Variants in HTR1F observed in about 807,000 individuals in gnomAD.
HTR1F encodes 5-hydroxytryptamine (serotonin) receptor 1F, G protein-coupled.
HTR1F carries 17 observed loss-of-function variants against 24.0 expected under a neutral mutation model. The observed-to-expected ratio is 0.71, with a 90% CI of 0.48 to 1.06. HTR1F has a LOEUF of 1.06. HTR1F is among the 50% of genes least tolerant of loss of function. HTR1F has a pLI of 0.00. For missense variants in HTR1F, 391 were observed against 427.8 expected, an observed-to-expected ratio of 0.91 and a Z score of 0.76; for synonymous variants, 186 against 156.8, an observed-to-expected ratio of 1.19 and a Z score of -1.39.
chr3:87,848,145 G>A (rs966922212), intron 2 of HTR1F, among the ~76,000 whole-genome samples: 1 of 151,838 alleles, frequency 6.6e-6, no homozygotes, highest in African/African-American at 2.4e-5. Context: ...CAGTGTATGA[G>A]TTCCCTTTTC....
At chr3:87,910,299 G>C (rs1703750949) in intron 2 of HTR1F, 1 of 151,914 alleles carries the variant, frequency 6.6e-6, no homozygotes, top group Non-Finnish European at 1.5e-5. Context: ...AGACACATAT[G>C]GTTAAGACAT....
chr3:87,991,882 G>A lies in HTR1F; in HGVS notation c.*32G>A, dbSNP rs990219987. On this transcript the variant is annotated 3_prime_UTR_variant, in exon 3 of 3. Coordinates refer to ENST00000319595, the MANE Select transcript of HTR1F (RefSeq NM_001322209.2). ...AAATGTTTATTATTGAAGGATGGGG[G>A]TTTTTGAGGGGAGGAATAACTAGAT... 2.0e-6 allele frequency: 3 copies of A among 1,509,872 alleles called. No homozygotes were observed. The highest frequency in any genetic ancestry group is 1.9e-4 in the Middle Eastern group (1 of 5,310). 93.5% of individuals were successfully genotyped at this position (1,509,872 alleles called of 1,614,324 possible).
rs765774121 is a variant in HTR1F, at chr3:87,991,342, T to C, written c.593T>C (p.Leu198Ser). The change falls in exon 3 of 3, where the codon TTG becomes TCG. Residue 198 changes from leucine (L) to serine (S), a missense_variant. Coordinates refer to ENST00000319595, the MANE Select transcript of HTR1F (RefSeq NM_001322209.2). Reference sequence around the variant, plus strand: ...TTCTACATCCCACTGGCATTGATTTTGATCCTTTACTACAAAATATATAGA... The same window carrying C: ...TTCTACATCCCACTGGCATTGATTTCGATCCTTTACTACAAAATATATAGA... ...GAFYIPLALI[L>S]ILYYKIYRAA... 1 of 1,613,982 alleles carries C rather than the reference T, an allele frequency of 6.2e-7. No homozygotes were observed. Among genetic ancestry groups the C allele is most frequent in the Non-Finnish European group, 8.5e-7 (1 of 1,180,014 alleles).
At chr3:87,872,230 G>A (rs1390340495) in intron 2 of HTR1F, among the ~76,000 whole-genome samples, 1 of 152,060 alleles carries the variant, frequency 6.6e-6, no homozygotes, top group East Asian at 1.9e-4. Context: ...AACTCAACAT[G>A]CCAAAGTTAT....
chr3:87,902,754 C>A (rs1328633383), intron 2 of HTR1F, among the ~76,000 whole-genome samples: 1 of 115,752 alleles, frequency 8.6e-6, no homozygotes, highest in Non-Finnish European at 1.7e-5. Flanking sequence ...CCCCCTCCCC[C>A]CACCCCACAA....
At chr3:87,858,885 A>G (rs1308151765) in intron 2 of HTR1F, among the ~76,000 whole-genome samples, 2 of 152,112 alleles carry the variant, frequency 1.3e-5, no homozygotes, top group African/African-American at 4.8e-5. Flanking sequence ...TCACCAGTGC[A>G]TTTCCTTTGT....
chr3:87,873,156 A>G (rs1030650220), intron 2 of HTR1F, among the ~76,000 whole-genome samples: 1 of 150,666 alleles, frequency 6.6e-6, no homozygotes, highest in Admixed American at 6.6e-5. Flanking sequence ...GAGATTTATT[A>G]TAAGAATTGG....
intron 2 of HTR1F, among the ~76,000 whole-genome samples, chr3:87,854,885 G>A (rs938343887): frequency 1.3e-5 from 2 of 151,894 alleles, no homozygotes; most frequent in African/African-American, 4.8e-5. Flanking sequence ...TTCTAGAAAT[G>A]TTATTGTTTT....
chr3:87,818,086 C>T (rs970797804), intron 1 of HTR1F, among the ~76,000 whole-genome samples: 12 of 152,098 alleles, frequency 7.9e-5, no homozygotes, highest in Non-Finnish European at 1.3e-4. Context: ...GGATTCTGCA[C>T]GTACTATTTG....
rs1475915042 is a variant in HTR1F, at chr3:87,990,678, T to C, written c.-42-30T>C. Reference sequence around the variant, plus strand: ...AGAGAAAAGTTCTTGAAGCCTTCTCTGAACTGTTTTTTCTCTTCCCTTGTT... The same window carrying C: ...AGAGAAAAGTTCTTGAAGCCTTCTCCGAACTGTTTTTTCTCTTCCCTTGTT... On this transcript the variant is annotated intron_variant, in intron 2 of 2. Transcript: ENST00000319595. 3.4e-6 allele frequency: 4 copies of C among 1,172,326 alleles called. No homozygotes were observed. The African/African-American group carries it at 6.1e-5, about 18-fold the overall frequency. The allele number at this position is 1,172,326 out of a possible 1,614,324, so 72.6% of individuals were successfully genotyped here.
In HTR1F at chr3:87,992,264, A is replaced by G. The variant is rs1705855167; in HGVS notation, c.*414A>G. 1 of 167,300 alleles carries G rather than the reference A, an allele frequency of 6.0e-6. No homozygotes were observed. The highest frequency in any genetic ancestry group is 1.5e-5 in the Non-Finnish European group (1 of 68,294). 10.4% of individuals were successfully genotyped at this position (167,300 alleles called of 1,614,324 possible). A position where few individuals can be genotyped will look rare whatever the true frequency, so the allele number is the denominator to read the frequency against. On this transcript the variant is annotated 3_prime_UTR_variant, in exon 3 of 3. Transcript: ENST00000319595. ...TTATAATATAATTCTATTATTTTGT[A>G]TAAGAAAATATAATTCACCACAAAG...
intron 2 of HTR1F, among the ~76,000 whole-genome samples, chr3:87,829,061 A>G (rs1341928194): frequency 6.8e-6 from 1 of 146,946 alleles, no homozygotes; most frequent in East Asian, 2.0e-4. Context: ...AAAAAAAGTT[A>G]AAAAAAAAAG....
intron 1 of HTR1F, among the ~76,000 whole-genome samples, chr3:87,808,321 A>C (rs1704105852): frequency 6.6e-6 from 1 of 151,798 alleles, no homozygotes; most frequent in South Asian, 2.1e-4. Context: ...TCAGATTTTT[A>C]ATTTCTTCCT....
intron 2 of HTR1F, among the ~76,000 whole-genome samples, chr3:87,838,359 A>G (rs934520473): frequency 6.6e-6 from 1 of 152,072 alleles, no homozygotes; most frequent in African/African-American, 2.4e-5. Context: ...ACCCTAATCT[A>G]CCAACTATCC....
intron 2 of HTR1F, among the ~76,000 whole-genome samples, chr3:87,984,821 C>A (rs1705627946): frequency 6.6e-6 from 1 of 151,988 alleles, no homozygotes; most frequent in African/African-American, 2.4e-5. Context: ...TAAAAAAGTT[C>A]TTAAAGGAAT....
intron 2 of HTR1F, among the ~76,000 whole-genome samples, chr3:87,939,917 G>A (rs1398650516): frequency 6.6e-6 from 1 of 151,946 alleles, no homozygotes; most frequent in African/African-American, 2.4e-5. Context: ...TTTTGAATTT[G>A]TCTGCTCTTG....
At chr3:87,905,069 A>AG (rs1241623318) in intron 2 of HTR1F, among the ~76,000 whole-genome samples, 1 of 152,010 alleles carries the variant, frequency 6.6e-6, no homozygotes, top group Non-Finnish European at 1.5e-5. Flanking sequence ...ACTACTTGGG[A>AG]GGCTGAGGTG....
intron 2 of HTR1F, among the ~76,000 whole-genome samples, chr3:87,937,372 A>G (rs1471813919): frequency 1.3e-5 from 2 of 152,318 alleles, no homozygotes; most frequent in Admixed American, 1.3e-4. Flanking sequence ...ACAAAACGAC[A>G]TGATTGTCTC....
intron 2 of HTR1F, among the ~76,000 whole-genome samples, chr3:87,908,415 C>T (rs973577379): frequency 6.6e-6 from 1 of 151,824 alleles, no homozygotes; most frequent in Non-Finnish European, 1.5e-5. Flanking sequence ...TACCTTATTC[C>T]CAGAGATTCT....
Sources: gnomAD v4.1 joint callset for allele counts (sites outside exome capture counted in the v4.1 genomes callset) on GRCh38, gnomAD v4.1.1 for gene constraint, MANE v1.5 for transcripts, NCBI Gene and HGNC (gene_info 2026-07-23, HGNC 2026-07-21) for gene names.